GAS7: variants seen among roughly 807,000 people sequenced by gnomAD.
The protein encoded by GAS7 is growth arrest-specific protein 7.
A neutral mutation model predicts 71.1 loss-of-function variants in GAS7; 28 were observed. The ratio of observed to expected loss-of-function variants is 0.39; its 90% CI spans 0.29 to 0.54. GAS7 has a LOEUF of 0.54. Among genes scored for constraint, GAS7 ranks in the 20% least tolerant of loss-of-function variants. The pLI, the probability that GAS7 is intolerant of heterozygous loss-of-function variation, is 0.62. For synonymous variants in GAS7, 258 were observed against 245.8 expected, an observed-to-expected ratio of 1.05 and a Z score of -0.46; for missense variants, 436 against 627.8, an observed-to-expected ratio of 0.69 and a Z score of 3.27.
At chr17:10,145,598 G>C (rs756268359) in intron 1 of GAS7, among the ~76,000 whole-genome samples, 1 of 152,212 alleles carries the variant, frequency 6.6e-6, no homozygotes, top group Non-Finnish European at 1.5e-5. Flanking sequence ...AGCAGCAGCC[G>C]GATCTGTGCC....
intron 1 of GAS7, among the ~76,000 whole-genome samples, chr17:10,043,154 C>A (rs2072897436): frequency 6.6e-6 from 1 of 152,136 alleles, no homozygotes; most frequent in Non-Finnish European, 1.5e-5. Flanking sequence ...AAGAATTATT[C>A]TCCCCCAGCA....
chr17:10,095,920 T>C (rs1038933384), intron 1 of GAS7, among the ~76,000 whole-genome samples: 1 of 152,124 alleles, frequency 6.6e-6, no homozygotes, highest in Non-Finnish European at 1.5e-5. Context: ...CAGAATGACG[T>C]GTTCTCTGAA....
intron 1 of GAS7, among the ~76,000 whole-genome samples, chr17:10,159,944 C>A (rs1270712244): frequency 6.6e-6 from 1 of 152,050 alleles, no homozygotes; most frequent in South Asian, 2.1e-4. Flanking sequence ...TGCCACCACA[C>A]CTAGCTAATT....
In GAS7 at chr17:10,151,785, C is replaced by T. The variant is rs78601169; in HGVS notation, c.183+46423G>A. Among the ~76,000 whole-genome samples, 551 of 152,256 alleles carry T rather than the reference C, an allele frequency of 3.6e-3. 1 individual carries two copies. The highest frequency in any genetic ancestry group is 0.013 in the African/African-American group (539 of 41,562). The stretch of plus-strand genomic sequence containing the variant: ...AGTCTTGAACTCCTGGCTTCAAGCG[C>T]TCCTCCTGCCTCGGCCTCCCAAAGT... On this transcript the variant is annotated intron_variant, in intron 1 of 13. Transcript: ENST00000432992.
intron 1 of GAS7, among the ~76,000 whole-genome samples, chr17:10,063,316 G>A (rs529181179): frequency 2.6e-5 from 4 of 152,300 alleles, no homozygotes; most frequent in East Asian, 1.9e-4. Context: ...GTGTGCGTGC[G>A]CATGATACTC....
chr17:10,074,505 T>C (rs78656622), intron 1 of GAS7, among the ~76,000 whole-genome samples: 3 of 152,138 alleles, frequency 2.0e-5, no homozygotes, highest in African/African-American at 4.8e-5. Flanking sequence ...AAGATGCTAT[T>C]TTCCCCCAAG....
chr17:9,966,236 G>C (rs1160722411), intron 4 of GAS7, among the ~76,000 whole-genome samples: 4 of 151,774 alleles, frequency 2.6e-5, no homozygotes, highest in African/African-American at 9.7e-5. Context: ...CTGACCTCCT[G>C]ATCTGCCTGC....
rs149306064 is a variant in GAS7 at position 9,932,793 on chromosome 17, C to T, written c.885+1373G>A. 2.5e-3 allele frequency among the ~76,000 whole-genome samples: 381 copies of T among 152,232 alleles called. 2 individuals carry two copies. Among genetic ancestry groups the T allele is most frequent in the African/African-American group, 8.5e-3 (354 of 41,538 alleles). ...TTAAGCATCTACTACATGCAAGACACCATCCTGAGCCCTGAGGATGGGAAT... is the reference window on the plus strand; with the variant it reads ...TTAAGCATCTACTACATGCAAGACATCATCCTGAGCCCTGAGGATGGGAAT... On this transcript the variant is annotated intron_variant, in intron 9 of 13. Transcript: ENST00000432992.
chr17:9,999,617 C>G (rs905878141), intron 2 of GAS7, among the ~76,000 whole-genome samples: 10 of 152,020 alleles, frequency 6.6e-5, no homozygotes, highest in Non-Finnish European at 1.5e-4. Context: ...TAGAAATCAG[C>G]AATAATCTCT....
At chr17:10,107,739 C>G (rs1052192763) in intron 1 of GAS7, among the ~76,000 whole-genome samples, 5 of 151,136 alleles carry the variant, frequency 3.3e-5, no homozygotes, top group Admixed American at 6.6e-5. Flanking sequence ...ACCTTACACA[C>G]AGTCCACTGG....
rs374339613 is a variant in GAS7, at chr17:9,944,936, T to A, written c.616-1700A>T. 1.3e-3 allele frequency among the ~76,000 whole-genome samples: 203 copies of A among 152,268 alleles called. 1 individual carries two copies. The highest frequency in any genetic ancestry group is 4.8e-3 in the African/African-American group (199 of 41,550). On this transcript the variant is annotated intron_variant, in intron 6 of 13. Transcript: ENST00000432992. ...CTGTGTCAGGAGAGAGAAATTTCTA[T>A]TAATGGAAAAGGCCTTGATGGTCAG...
chr17:9,962,550 C>T (rs1015637409), intron 4 of GAS7, among the ~76,000 whole-genome samples: 6 of 152,188 alleles, frequency 3.9e-5, no homozygotes, highest in Non-Finnish European at 8.8e-5. Flanking sequence ...ATGACTGCAA[C>T]TAACTAACTA....
intron 1 of GAS7, among the ~76,000 whole-genome samples, chr17:10,041,159 A>T (rs939032189): frequency 7.3e-5 from 3 of 41,092 alleles, no homozygotes; most frequent in African/African-American, 2.5e-4. Context: ...AAGACTGCCT[A>T]AAAAAAAAAA....
chr17:9,944,976 T>C (rs1203959008), intron 6 of GAS7, among the ~76,000 whole-genome samples: 1 of 152,140 alleles, frequency 6.6e-6, no homozygotes, highest in Admixed American at 6.5e-5. Flanking sequence ...ATAAGTGGAT[T>C]GCAGATTAAG....
intron 2 of GAS7, among the ~76,000 whole-genome samples, chr17:9,998,629 G>GA (rs1422656521): frequency 6.7e-6 from 1 of 148,932 alleles, no homozygotes; most frequent in Non-Finnish European, 1.5e-5. Context: ...AAGACAGAAA[G>GA]AAAAAAAGGC....
Position 10,082,306 on chromosome 17 carries a change from C to T in GAS7, c.184-62409G>A, listed in dbSNP as rs563189946. Among the ~76,000 whole-genome samples the T allele has an allele frequency of 6.6e-5, 10 of 152,292 alleles. No homozygotes were observed. The South Asian group carries it at 1.7e-3, about 25-fold the overall frequency. ...AAAGAAGGGAAAGGAATTGGAAGAA[C>T]ACACAGGATTTTTAATGTCAAATAA... is the stretch of plus-strand genomic sequence containing the variant. On this transcript the variant is annotated intron_variant, in intron 1 of 13. Coordinates refer to ENST00000432992, the MANE Select transcript of GAS7 (RefSeq NM_201433.2).
chr17:10,097,641 T>C (rs374935867), intron 1 of GAS7, among the ~76,000 whole-genome samples: 3 of 152,084 alleles, frequency 2.0e-5, no homozygotes, highest in East Asian at 3.9e-4. Flanking sequence ...TAATAACCCA[T>C]GTGGGCTCTG....
At chr17:10,187,777 C>A (rs930771905) in intron 1 of GAS7, among the ~76,000 whole-genome samples, 3 of 152,074 alleles carry the variant, frequency 2.0e-5, no homozygotes, top group African/African-American at 7.2e-5. Flanking sequence ...AGAATGCAGT[C>A]CCGGGCCAGC....
chr17:9,934,163 T>C lies in GAS7; in HGVS notation c.885+3A>G. 1.2e-6 allele frequency: 2 copies of C among 1,601,508 alleles called. No homozygotes were observed. Among genetic ancestry groups the C allele is most frequent in the Non-Finnish European group, 1.7e-6 (2 of 1,168,556 alleles). On this transcript the variant is annotated splice_donor_region_variant and intron_variant, in intron 9 of 13. Coordinates refer to ENST00000432992, the MANE Select transcript of GAS7 (RefSeq NM_201433.2). ...ACTGAGGGTGGCTGCAGGGAGGGGTTACCTTGGCAGAGAACTTGAGGTGAA... is the reference window on the plus strand; with the variant it reads ...ACTGAGGGTGGCTGCAGGGAGGGGTCACCTTGGCAGAGAACTTGAGGTGAA...
Sources: gnomAD v4.1 joint callset for allele counts (sites outside exome capture counted in the v4.1 genomes callset) on GRCh38, gnomAD v4.1.1 for gene constraint, MANE v1.5 for transcripts, NCBI Gene and HGNC (gene_info 2026-07-23, HGNC 2026-07-21) for gene names.